LAMA3: variants seen among roughly 807,000 people sequenced by gnomAD.
LAMA3 encodes laminin subunit alpha-3.
In LAMA3, 281 loss-of-function variants were observed where a neutral mutation model predicts 402.0. That is an observed-to-expected ratio of 0.70 (90% CI 0.63 to 0.77). LAMA3 has a LOEUF of 0.77. LAMA3 is among the 30% of genes least tolerant of loss of function. The pLI is 0.00. For missense variants in LAMA3, 3,840 were observed against 4,215.5 expected, an observed-to-expected ratio of 0.91 and a Z score of 2.47; for synonymous variants, 1,431 against 1,558.4, an observed-to-expected ratio of 0.92 and a Z score of 1.93.
At chr18:23,901,768 C>T (rs1180707081) in intron 48 of LAMA3, among the ~76,000 whole-genome samples, 1 of 152,182 alleles carries the variant, frequency 6.6e-6, no homozygotes, top group East Asian at 1.9e-4. Context: ...AATAAAAGTA[C>T]AGGCCACCTA....
intron 62 of LAMA3, 114 bp from the exon 63 acceptor site, chr18:23,928,009 T>A: frequency 1.2e-6 from 1 of 805,246 alleles, no homozygotes; most frequent in Non-Finnish European, 2.2e-6. Context: ...AGGATAAACA[T>A]AAAACACCTA....
In LAMA3 at chr18:23,771,578, G is replaced by C. The variant is rs192973209; in HGVS notation, c.1183-1919G>C. 1.7e-3 allele frequency among the ~76,000 whole-genome samples: 263 copies of C among 152,234 alleles called. 1 individual carries two copies. The highest frequency in any genetic ancestry group is 6.1e-3 in the African/African-American group (255 of 41,542). ...TTTTGCACTTGTAAATTTTATAACA[G>C]AAGAAAAAAACTGTAAACAAATACT... On this transcript the variant is annotated intron_variant, in intron 8 of 74. Transcript: ENST00000313654.
At chr18:23,831,719 A>G (rs1258716490) in intron 23 of LAMA3, among the ~76,000 whole-genome samples, 1 of 152,198 alleles carries the variant, frequency 6.6e-6, no homozygotes, top group Admixed American at 6.5e-5. Flanking sequence ...CTGGCATAGC[A>G]TAGGTATTCA....
intron 2 of LAMA3, among the ~76,000 whole-genome samples, chr18:23,740,056 C>T (rs909300887): frequency 1.3e-5 from 2 of 152,198 alleles, no homozygotes; most frequent in South Asian, 4.1e-4. Context: ...CAGGGAGAAC[C>T]AGGTCCGAGA....
At chr18:23,741,689 T>G (rs2061565880) in intron 2 of LAMA3, among the ~76,000 whole-genome samples, 2 of 152,236 alleles carry the variant, frequency 1.3e-5, no homozygotes, top group African/African-American at 4.8e-5. Context: ...CCAGGTTACT[T>G]ATTAATTACA....
At chr18:23,736,055 A>G (rs933269362) in intron 2 of LAMA3, among the ~76,000 whole-genome samples, 1 of 152,022 alleles carries the variant, frequency 6.6e-6, no homozygotes, top group Non-Finnish European at 1.5e-5. Flanking sequence ...AAACTTCAAC[A>G]TTAAGTATTA....
At chr18:23,928,971 T>G (rs1178670377) in intron 64 of LAMA3, among the ~76,000 whole-genome samples, 1 of 152,254 alleles carries the variant, frequency 6.6e-6, no homozygotes, top group African/African-American at 2.4e-5. Flanking sequence ...AGTAACATTA[T>G]AATTTACAGA....
intron 1 of LAMA3, among the ~76,000 whole-genome samples, chr18:23,694,909 G>T (rs1300148751): frequency 6.6e-6 from 1 of 152,192 alleles, no homozygotes; most frequent in Admixed American, 6.5e-5. Flanking sequence ...CTGTTTCCTT[G>T]TGGAAGCTTG....
chr18:23,951,831 T>G, intron 73 of LAMA3, 54 bp downstream of exon 73: 2 of 1,400,220 alleles, frequency 1.4e-6, no homozygotes, highest in Non-Finnish European at 2.0e-6. Context: ...CCCTTTCCAT[T>G]TTGACTTGAA....
rs371422168 is a variant in LAMA3 at position 23,815,497 on chromosome 18, T to A, written c.1971T>A (p.His657Gln). The A allele has an allele frequency of 6.2e-7, 1 of 1,613,968 alleles. No individual in the cohort carries two copies. Among genetic ancestry groups the A allele is most frequent in the Non-Finnish European group, 8.5e-7 (1 of 1,179,924 alleles). Residue 657 changes from histidine to glutamine, a missense_variant, in exon 17 of 75, where the codon CAT (histidine) becomes CAA (glutamine). Physicochemically the swap from His to Gln is conservative, Grantham distance 24. Around this residue, in one of 3 missense-constraint regions of LAMA3, gnomAD observed 2,109 missense variants for 2,376.0 expected, o/e 0.89. Coordinates refer to ENST00000313654, the MANE Select transcript of LAMA3 (RefSeq NM_198129.4). ...ATGGTGACTGTCACTGCAAGTCCCA[T>A]GTGGGTGGCGATTCCTGCGACACCT... ...QGDGDCHCKS[H>Q]VGGDSCDTCE...
At chr18:23,782,243 T>G (rs868191206) in intron 11 of LAMA3, among the ~76,000 whole-genome samples, 4 of 152,142 alleles carry the variant, frequency 2.6e-5, no homozygotes, top group South Asian at 2.1e-4. Context: ...ATTTAGATAT[T>G]AATGTAATTT....
In LAMA3 at chr18:23,903,087, A is replaced by G. The variant is rs201661804; in HGVS notation, c.6280A>G (p.Thr2094Ala). 5.5e-5 allele frequency: 89 copies of G among 1,612,658 alleles called. No individual in the cohort carries two copies. Among genetic ancestry groups the G allele is most frequent in the Middle Eastern group, 3.3e-4 (2 of 6,056 alleles). ...LTTADSSLLQ[T>A]NIALQLMEKS... ...CACTGCAGACTCATCTTTGTTGCAA[A>G]CCAACATTGCGCTGCAGCTGATGGA... is the stretch of plus-strand genomic sequence containing the variant. The change falls in exon 49 of 75, where the codon ACC (threonine) becomes GCC (alanine). Residue 2094 changes from threonine (T) to alanine (A), a missense_variant. Coordinates refer to ENST00000313654, the MANE Select transcript of LAMA3 (RefSeq NM_198129.4).
chr18:23,847,170 A>G (rs2063834886), intron 31 of LAMA3, among the ~76,000 whole-genome samples: 1 of 152,134 alleles, frequency 6.6e-6, no homozygotes, highest in South Asian at 2.1e-4. Context: ...CCTCCTACCA[A>G]TTTCCAGAAT....
At chr18:23,700,832 G>A (rs922935923) in intron 1 of LAMA3, among the ~76,000 whole-genome samples, 1 of 152,032 alleles carries the variant, frequency 6.6e-6, no homozygotes, top group African/African-American at 2.4e-5. Flanking sequence ...TGAGTAGCTG[G>A]AACTACAGGG....
chr18:23,691,841 G>C (rs2060593897), intron 1 of LAMA3, among the ~76,000 whole-genome samples: 1 of 152,104 alleles, frequency 6.6e-6, no homozygotes, highest in Admixed American at 6.5e-5. Flanking sequence ...CAAAGTGCTG[G>C]GATTACAGGC....
At chr18:23,702,451 G>A (rs973178822) in intron 1 of LAMA3, among the ~76,000 whole-genome samples, 2 of 152,078 alleles carry the variant, frequency 1.3e-5, no homozygotes, top group African/African-American at 4.8e-5. Flanking sequence ...AGCCTCCCAA[G>A]TAGCTGGGAC....
intron 29 of LAMA3, among the ~76,000 whole-genome samples, chr18:23,843,329 C>CT (rs2063746124): frequency 6.6e-6 from 1 of 152,160 alleles, no homozygotes; most frequent in African/African-American, 2.4e-5. Flanking sequence ...AAGTCCCTTG[C>CT]TTAGTCTGCA....
At chr18:23,841,233 G>A (rs1016714388) in intron 27 of LAMA3, among the ~76,000 whole-genome samples, 22 of 152,152 alleles carry the variant, frequency 1.4e-4, no homozygotes, top group African/African-American at 4.1e-4. Context: ...TTACCCCCCC[G>A]AGTCATGGGT....
At chr18:23,865,475 G>A (rs1375990357) in intron 36 of LAMA3, among the ~76,000 whole-genome samples, 2 of 152,074 alleles carry the variant, frequency 1.3e-5, no homozygotes, top group Admixed American at 1.3e-4. Flanking sequence ...TTTCAATTTT[G>A]TTTCATAAAT....
Sources: gnomAD v4.1 joint callset for allele counts (sites outside exome capture counted in the v4.1 genomes callset) on GRCh38, gnomAD v4.1.1 for gene constraint, gnomAD v4.1.1 regional missense constraint, MANE v1.5 for transcripts, NCBI Gene and HGNC (gene_info 2026-07-23, HGNC 2026-07-21) for gene names.